The following RCOR2 variants were observed in gnomAD, a reference collection of about 807,000 sequenced individuals.
RCOR2 encodes REST corepressor 2.
In RCOR2, 19 loss-of-function variants were observed where a neutral mutation model predicts 58.9. The ratio of observed to expected loss-of-function variants is 0.32; its 90% CI spans 0.23 to 0.47. RCOR2 has a LOEUF of 0.47. Among genes scored for constraint, RCOR2 ranks in the 20% least tolerant of loss-of-function variants. The probability of loss-of-function intolerance (pLI) is 1.00; values close to 1 mark genes in which losing one functional copy is unlikely to be tolerated. For missense variants in RCOR2, 590 were observed against 707.9 expected (o/e 0.83, Z 1.89); for synonymous variants, 286 against 278.7 (o/e 1.03, Z -0.26).
chr11:63,912,270 T>G, intron 11 of RCOR2, 35 bp downstream of exon 11: 8 of 1,600,068 alleles, frequency 5.0e-6, no homozygotes, highest in Non-Finnish European at 6.8e-6. Flanking sequence ...GCCTCGCCTC[T>G]CCTCTCTGAG....
intron 2 of RCOR2, 24 bp downstream of exon 2, chr11:63,915,531 T>G: frequency 6.5e-7 from 1 of 1,550,024 alleles, no homozygotes. Context: ...CCCACCCCAC[T>G]TCACAGCCTG....
chr11:63,914,015 G>C lies in RCOR2; in HGVS notation c.830C>G (p.Pro277Arg), dbSNP rs750567813. ...TCGGAGCGTGAGGTTGGCAAGGTCC[G>C]GGCTTCCTGACACTGCCGTGAGGCC... The part of the protein sequence containing the change: ...PEGLTAVSGS[P>R]DLANLTLRGL... Residue 277 changes from proline (P) to arginine (R), a missense_variant, in exon 8 of 12, where the codon CCG (proline) becomes CGG (arginine). Pro to Arg is a moderately radical substitution (Grantham distance 103). Around this residue, in one of 3 missense-constraint regions of RCOR2, gnomAD observed 390 missense variants for 478.7 expected, o/e 0.81. Coordinates refer to ENST00000301459, the MANE Select transcript of RCOR2 (RefSeq NM_173587.4). 1.9e-6 allele frequency: 3 copies of C among 1,613,654 alleles called. No individual in the cohort carries two copies. Among genetic ancestry groups the C allele is most frequent in the East Asian group, 4.5e-5 (2 of 44,886 alleles).
At chr11:63,915,284 A>C in intron 2 of RCOR2, 26 bp from the exon 3 acceptor site, 1 of 1,545,438 alleles carries the variant, frequency 6.5e-7, no homozygotes, top group Non-Finnish European at 8.8e-7. Flanking sequence ...GCAGGAGGGA[A>C]GACACTCAGA....
rs761937152 is a variant in RCOR2 at position 63,914,396 on chromosome 11, A to C, written c.605+21T>G. On this transcript the variant is annotated intron_variant, in intron 6 of 11. Transcript: ENST00000301459. ...AGGAGCTCTACCTACCCCCATGCCC[A>C]GTGCTTGCTCCTGCCCCCACCTGTC... is the stretch of plus-strand genomic sequence containing the variant. 5.8e-5 allele frequency: 93 copies of C among 1,613,236 alleles called. No individual in the cohort carries two copies. The Admixed American group carries it at 1.5e-3, about 26-fold the overall frequency.
In RCOR2 at chr11:63,914,639, G is replaced by A. The variant is rs1261072350; in HGVS notation, c.480+16C>T. 1.9e-6 allele frequency: 3 copies of A among 1,604,662 alleles called. No homozygotes were observed. Among genetic ancestry groups the A allele is most frequent in the East Asian group, 2.2e-5 (1 of 44,774 alleles). ...GGGCAGAGGAGCGCCGGGGAGTGGG[G>A]GTGGAAGGGCTTTACCATCTGCTGG... On this transcript the variant is annotated intron_variant, in intron 5 of 11. Transcript: ENST00000301459.
Position 63,912,375 on chromosome 11 carries a change from G to A in RCOR2, c.1187C>T (p.Ala396Val). The change falls in exon 11 of 12, where the codon GCC (alanine) becomes GTC (valine). Residue 396 changes from alanine (A) to valine (V), a missense_variant. Ala to Val is a moderately conservative substitution (Grantham distance 64). Around this residue, in one of 3 missense-constraint regions of RCOR2, gnomAD observed 196 missense variants for 210.7 expected, o/e 0.93. Transcript: ENST00000301459. ...WEAEQDGAPG[A>V]PVPMEEARRG... ...CCTAGCCTCCTCCATGGGGACTGGG[G>A]CTCCAGGGGCCCCATCCTGCTCAGC... The A allele has an allele frequency of 1.2e-6, 2 of 1,613,774 alleles. No individual in the cohort carries two copies. Among genetic ancestry groups the A allele is most frequent in the Non-Finnish European group, 1.7e-6 (2 of 1,179,946 alleles).
chr11:63,916,657 C>T lies in RCOR2; in HGVS notation c.-201G>A, dbSNP rs2134249213. On this transcript the variant is annotated 5_prime_UTR_variant, in exon 1 of 12. Coordinates refer to ENST00000301459, the MANE Select transcript of RCOR2 (RefSeq NM_173587.4). ...AGCGCTCTCCACGACCCCCACGAGC[C>T]AGGGCGTCAGAAAAGTTTGTGCAGA... 2 of 865,244 alleles carry T rather than the reference C, an allele frequency of 2.3e-6. No individual in the cohort carries two copies. Among genetic ancestry groups the T allele is most frequent in the East Asian group, 5.7e-5 (2 of 35,096 alleles). 53.6% of individuals were successfully genotyped at this position (865,244 alleles called of 1,614,324 possible).
At position 63,914,659 on chromosome 11, in the gene RCOR2, T is replaced by TGCTGGATCC. The variant is rs1366931513; in HGVS notation, c.467_475dup (p.Arg156_Gln158dup). 6.2e-7 allele frequency: 1 copy of TGCTGGATCC among 1,605,888 alleles called. No homozygotes were observed. Among genetic ancestry groups the TGCTGGATCC allele is most frequent in the Non-Finnish European group, 8.5e-7 (1 of 1,175,662 alleles). On this transcript the variant is annotated inframe_insertion, in exon 5 of 12. Transcript: ENST00000301459. ...GTGGGGGTGGAAGGGCTTTACCATC[T>TGCTGGATCC]GCTGGATCCGCTGGAAGCATTTGCC...
chr11:63,918,139 C>T (rs1941887625), upstream of RCOR2, among the ~76,000 whole-genome samples: 3 of 144,266 alleles, frequency 2.1e-5, no homozygotes, highest in African/African-American at 7.8e-5. Context: ...CCACCCGGAG[C>T]CCCAGTCTCC....
intron 7 of RCOR2, 37 bp downstream of exon 7, chr11:63,914,224 G>A (rs1243414836): frequency 1.8e-5 from 29 of 1,613,298 alleles, no homozygotes; most frequent in Non-Finnish European, 2.4e-5. Context: ...GAGGCAAGAG[G>A]ACAGGCAGGC....
upstream of RCOR2, among the ~76,000 whole-genome samples, chr11:63,920,866 G>T (rs1331805335): frequency 1.3e-5 from 2 of 152,018 alleles, no homozygotes; most frequent in Admixed American, 6.6e-5. Context: ...GAACCCCCTG[G>T]CCTAGCCGGC....
At chr11:63,919,594 G>A (rs1565163170), upstream of RCOR2, among the ~76,000 whole-genome samples, 1 of 152,342 alleles carries the variant, frequency 6.6e-6, no homozygotes, top group South Asian at 2.1e-4. Context: ...TGGGGGTGTG[G>A]GAGGGGAGGG....
chr11:63,913,761 C>T (rs1355795724), intron 8 of RCOR2, among the ~76,000 whole-genome samples, 193 bp downstream of exon 8: 1 of 152,172 alleles, frequency 6.6e-6, no homozygotes, highest in Non-Finnish European at 1.5e-5. Flanking sequence ...GGATTACAGG[C>T]GTGAGCCAGC....
At chr11:63,918,780 G>C (rs2134250794), upstream of RCOR2, among the ~76,000 whole-genome samples, 1 of 149,256 alleles carries the variant, frequency 6.7e-6, no homozygotes, top group South Asian at 2.2e-4. Context: ...TCTTGCCCCC[G>C]CCCCCTATTA....
chr11:63,925,496 A>G, the RCOR2 span, among the ~76,000 whole-genome samples: 1 of 152,062 alleles, frequency 6.6e-6, no homozygotes, highest in Non-Finnish European at 1.5e-5. Flanking sequence ...GAAAGCCAAC[A>G]CTATGGAGAA....
At chr11:63,926,816 T>C in the RCOR2 span, among the ~76,000 whole-genome samples, 1 of 147,000 alleles carries the variant, frequency 6.8e-6, no homozygotes, top group African/African-American at 2.5e-5. Flanking sequence ...GTTGTTGTTG[T>C]TTGTTTTCAT....
In RCOR2 at chr11:63,912,197, A is replaced by G; in HGVS notation, c.1258-18T>C. ...ATCTGGACCTGAGGGGAGAGGAAAG[A>G]GTGAGAAGCCAGGCTCTTCCCGCCC... On this transcript the variant is annotated intron_variant, in intron 11 of 11. Coordinates refer to ENST00000301459, the MANE Select transcript of RCOR2 (RefSeq NM_173587.4). 1 of 1,580,904 alleles carries G rather than the reference A, an allele frequency of 6.3e-7. No homozygotes were observed. The highest frequency in any genetic ancestry group is 1.1e-5 in the South Asian group (1 of 88,026).
At chr11:63,919,271 A>G (rs919756054), upstream of RCOR2, among the ~76,000 whole-genome samples, 14 of 151,904 alleles carry the variant, frequency 9.2e-5, no homozygotes, top group Non-Finnish European at 1.5e-5. Context: ...TAGAAGGGGG[A>G]GGGGCAAGGC....
At chr11:63,914,990 G>T in intron 3 of RCOR2, 36 bp from the exon 4 acceptor site, 1 of 1,612,342 alleles carries the variant, frequency 6.2e-7, no homozygotes, top group South Asian at 1.1e-5. Context: ...TTGGTGAAGG[G>T]GGTTATAGCT....
Sources: gnomAD v4.1 joint callset for allele counts (sites outside exome capture counted in the v4.1 genomes callset) on GRCh38, gnomAD v4.1.1 for gene constraint, gnomAD v4.1.1 regional missense constraint, MANE v1.5 for transcripts, NCBI Gene and HGNC (gene_info 2026-07-23, HGNC 2026-07-21) for gene names.